The following NEK11 variants were observed in gnomAD, a reference collection of about 807,000 sequenced individuals.
NEK11 encodes the protein serine/threonine-protein kinase Nek11.
NEK11 carries 72 observed loss-of-function variants against 80.7 expected under a neutral mutation model. That is an observed-to-expected ratio of 0.89 (90% CI 0.74 to 1.08). The LOEUF (loss-of-function observed/expected upper bound fraction) is 1.08, where lower values mean the gene tolerates loss of function less well. NEK11 is among the 50% of genes least tolerant of loss of function. NEK11 has a pLI of 0.00. For synonymous variants in NEK11, 251 were observed against 260.7 expected (o/e 0.96, Z 0.36); for missense variants, 764 against 763.6 (o/e 1.00, Z -0.01).
chr3:131,160,858 C>T (rs1249219609), intron 10 of NEK11, among the ~76,000 whole-genome samples: 1 of 152,090 alleles, frequency 6.6e-6, no homozygotes, highest in Non-Finnish European at 1.5e-5. Context: ...GGGTTCAATT[C>T]AACAAGAAGA....
chr3:131,308,136 A>G (rs1342135934), intron 17 of NEK11, among the ~76,000 whole-genome samples: 1 of 152,150 alleles, frequency 6.6e-6, no homozygotes, highest in Non-Finnish European at 1.5e-5. Context: ...TTGACTTTCT[A>G]TTTTTATGGT....
intron 17 of NEK11, among the ~76,000 whole-genome samples, chr3:131,297,898 C>T (rs1472911048): frequency 6.6e-6 from 1 of 152,104 alleles, no homozygotes; most frequent in African/African-American, 2.4e-5. Flanking sequence ...CCAGTTTTCC[C>T]AGCACCATTT....
chr3:131,215,363 G>A (rs2094796429), intron 14 of NEK11, among the ~76,000 whole-genome samples: 1 of 151,708 alleles, frequency 6.6e-6, no homozygotes. Flanking sequence ...CATGGCACAC[G>A]TATACATATG....
chr3:131,063,217 G>T (rs953813816), intron 3 of NEK11, among the ~76,000 whole-genome samples: 29 of 152,210 alleles, frequency 1.9e-4, no homozygotes, highest in African/African-American at 2.6e-4. Context: ...TAGAGAGGGG[G>T]TCTCACTATG....
chr3:131,048,668 T>G (rs538735961), intron 3 of NEK11, among the ~76,000 whole-genome samples: 1 of 152,178 alleles, frequency 6.6e-6, no homozygotes, highest in African/African-American at 2.4e-5. Context: ...AGCAATCCGC[T>G]TCCTTCAAAG....
At chr3:131,172,166 A>G (rs555296833) in intron 14 of NEK11, among the ~76,000 whole-genome samples, 29 of 152,320 alleles carry the variant, frequency 1.9e-4, no homozygotes, top group Admixed American at 3.3e-4. Flanking sequence ...GTGCTCCAGT[A>G]GTAGCCCATC....
At chr3:131,203,315 A>G (rs1394844907) in intron 14 of NEK11, among the ~76,000 whole-genome samples, 1 of 151,908 alleles carries the variant, frequency 6.6e-6, no homozygotes, top group African/African-American at 2.4e-5. Context: ...CATTCTCAGC[A>G]AACTATCGCA....
intron 17 of NEK11, among the ~76,000 whole-genome samples, chr3:131,339,526 C>G (rs1016704065): frequency 3.9e-5 from 6 of 152,176 alleles, no homozygotes; most frequent in African/African-American, 1.4e-4. Flanking sequence ...TCCTAAGAAG[C>G]TAACAGCTGC....
intron 4 of NEK11, among the ~76,000 whole-genome samples, chr3:131,097,957 A>T (rs1421628800): frequency 6.9e-6 from 1 of 145,700 alleles, no homozygotes; most frequent in African/African-American, 2.5e-5. Context: ...ACCAAAACAG[A>T]TATAGATCAA....
At chr3:131,259,567 T>C (rs1005327108) in intron 16 of NEK11, among the ~76,000 whole-genome samples, 15 of 152,118 alleles carry the variant, frequency 9.9e-5, no homozygotes, top group African/African-American at 3.6e-4. Flanking sequence ...GGATTGACCC[T>C]GTGGACAGAA....
intron 5 of NEK11, among the ~76,000 whole-genome samples, chr3:131,125,351 A>G (rs2083130325): frequency 6.6e-6 from 1 of 152,314 alleles, no homozygotes. Context: ...CACTTGTACT[A>G]TCATTAATTC....
intron 3 of NEK11, among the ~76,000 whole-genome samples, chr3:131,033,626 C>T (rs1015195065): frequency 2.0e-4 from 31 of 152,298 alleles, no homozygotes; most frequent in African/African-American, 7.0e-4. Flanking sequence ...TAGTACTTAA[C>T]TTTTCCGTCA....
chr3:131,190,276 C>G (rs2093744843), intron 14 of NEK11, among the ~76,000 whole-genome samples: 1 of 152,168 alleles, frequency 6.6e-6, no homozygotes, highest in South Asian at 2.1e-4. Context: ...AAAGCAGACA[C>G]AAATCCCTGC....
intron 3 of NEK11, among the ~76,000 whole-genome samples, chr3:131,075,496 A>G (rs745677435): frequency 2.0e-5 from 3 of 152,142 alleles, no homozygotes; most frequent in Non-Finnish European, 2.9e-5. Context: ...TTTTTTAAAT[A>G]AATATTACTC....
At chr3:131,347,245 T>G (rs571918750) in intron 17 of NEK11, among the ~76,000 whole-genome samples, 1 of 152,296 alleles carries the variant, frequency 6.6e-6, no homozygotes, top group East Asian at 1.9e-4. Context: ...TGTGTGAGCT[T>G]GTGAAAGGCT....
chr3:131,120,939 C>T (rs545360799), intron 5 of NEK11, among the ~76,000 whole-genome samples: 14 of 152,246 alleles, frequency 9.2e-5, no homozygotes, highest in South Asian at 4.2e-4. Context: ...TCCTTTAGCT[C>T]GGGGAAGTTT....
At chr3:131,254,248 G>T (rs1477855235) in intron 16 of NEK11, among the ~76,000 whole-genome samples, 5 of 152,208 alleles carry the variant, frequency 3.3e-5, no homozygotes, top group Non-Finnish European at 7.3e-5. Context: ...TCCAATGAAA[G>T]TGGTCGCAAT....
At chr3:131,109,947 C>T (rs2079825581) in intron 5 of NEK11, 26 bp downstream of exon 5, 2 of 1,560,660 alleles carry the variant, frequency 1.3e-6, no homozygotes, top group South Asian at 2.5e-5. Context: ...ACTGGGGGAG[C>T]ATGATATATT....
chr3:131,110,451 TGAA>T (rs754416381), intron 5 of NEK11, among the ~76,000 whole-genome samples: 43 of 152,156 alleles, frequency 2.8e-4, no homozygotes, highest in Non-Finnish European at 5.3e-4. Flanking sequence ...TATCTCATAA[TGAA>T]GGTCAATTAT....
Sources: gnomAD v4.1 joint callset for allele counts (sites outside exome capture counted in the v4.1 genomes callset) on GRCh38, gnomAD v4.1.1 for gene constraint, MANE v1.5 for transcripts, NCBI Gene and HGNC (gene_info 2026-07-23, HGNC 2026-07-21) for gene names.